Variants in STK33 observed in about 807,000 individuals in gnomAD.
STK33 encodes serine/threonine-protein kinase 33.
STK33 carries 52 observed loss-of-function variants against 58.0 expected under a neutral mutation model. The observed-to-expected ratio is 0.90, with a 90% confidence interval of 0.72 to 1.13. The LOEUF (loss-of-function observed/expected upper bound fraction) is 1.13, where lower values mean the gene tolerates loss of function less well. Among genes scored for constraint, STK33 ranks in the 50% most tolerant of loss-of-function variants. The pLI is 0.00. For synonymous variants in STK33, 215 were observed against 200.1 expected (o/e 1.07, Z -0.63); for missense variants, 630 against 604.2 (o/e 1.04, Z -0.45).
chr11:8,405,209 G>A (rs1230101625), intron 15 of STK33, among the ~76,000 whole-genome samples: 1 of 152,202 alleles, frequency 6.6e-6, no homozygotes, highest in East Asian at 1.9e-4. Context: ...CCAGCAAGGT[G>A]GGAAAATTCC....
chr11:8,571,234 A>G (rs892761614), intron 1 of STK33, among the ~76,000 whole-genome samples: 3 of 152,198 alleles, frequency 2.0e-5, no homozygotes, highest in African/African-American at 7.2e-5. Context: ...GAGCTGATAC[A>G]AGCATATGTG....
the STK33 span, among the ~76,000 whole-genome samples, chr11:8,336,847 C>T: frequency 6.6e-6 from 1 of 152,256 alleles, no homozygotes; most frequent in African/African-American, 2.4e-5. Context: ...AAGGCCAGTG[C>T]TCTGCAGGCA....
chr11:8,429,895 T>TC (rs1157071769), intron 14 of STK33, among the ~76,000 whole-genome samples: 3 of 152,122 alleles, frequency 2.0e-5, no homozygotes. Flanking sequence ...CTTCCTAGAT[T>TC]CAACTGAGAT....
chr11:8,418,119 AG>A (rs1184909366), intron 14 of STK33, among the ~76,000 whole-genome samples: 1 of 151,928 alleles, frequency 6.6e-6, no homozygotes. Context: ...TTTTAGGTCC[AG>A]GGGTACCTGA....
At chr11:8,452,776 T>G (rs1269699221) in intron 11 of STK33, 46 bp downstream of exon 11, 7 of 1,548,568 alleles carry the variant, frequency 4.5e-6, no homozygotes. Flanking sequence ...CAACAGAGGA[T>G]GATCCTGTCT....
chr11:8,479,257 A>T (rs1479445514), intron 2 of STK33, among the ~76,000 whole-genome samples: 1 of 151,640 alleles, frequency 6.6e-6, no homozygotes, highest in Non-Finnish European at 1.5e-5. Context: ...TAGTAGAGAA[A>T]CCCCATCTCT....
the STK33 span, among the ~76,000 whole-genome samples, chr11:8,336,828 G>T: frequency 1.3e-5 from 2 of 152,250 alleles, no homozygotes; most frequent in Non-Finnish European, 2.9e-5. Context: ...TGTGGGGCCC[G>T]CGGGCTGCAA....
chr11:8,383,132 G>A, the STK33 span, among the ~76,000 whole-genome samples: 1 of 152,202 alleles, frequency 6.6e-6, no homozygotes, highest in South Asian at 2.1e-4. Flanking sequence ...GCCACACTTG[G>A]AGGTCTGACT....
intron 9 of STK33, among the ~76,000 whole-genome samples, chr11:8,456,040 A>G (rs1268323250): frequency 6.6e-6 from 1 of 152,100 alleles, no homozygotes; most frequent in Non-Finnish European, 1.5e-5. Context: ...GCCAGGGCAG[A>G]TCTCCCTGCT....
intron 1 of STK33, among the ~76,000 whole-genome samples, chr11:8,583,544 G>A (rs1012410597): frequency 1.3e-5 from 2 of 152,096 alleles, no homozygotes; most frequent in Non-Finnish European, 2.9e-5. Context: ...GAAAGATACG[G>A]GGAGGGTGGT....
chr11:8,416,143 A>G (rs1230892957), intron 14 of STK33, among the ~76,000 whole-genome samples: 1 of 152,192 alleles, frequency 6.6e-6, no homozygotes, highest in Non-Finnish European at 1.5e-5. Flanking sequence ...ATGAAAGTGC[A>G]GCAAAGAAAA....
At chr11:8,486,263 AGGAGCCTGTGTGATATG>A (rs1263651777) in intron 1 of STK33, among the ~76,000 whole-genome samples, 1 of 152,240 alleles carries the variant, frequency 6.6e-6, no homozygotes, top group East Asian at 1.9e-4. Context: ...CATGACATAC[AGGAGCCTGTGTGATATG>A]GTCTCAGCTT....
chr11:8,542,244 A>G lies in STK33; in HGVS notation c.-466+51839T>C, dbSNP rs185094928. ...TTTTATTTCAATATTTCTACGATAA[A>G]TGTGGCTAGTTCCACATGTCATTAC... On this transcript the variant is annotated intron_variant, in intron 1 of 15. Coordinates refer to ENST00000687296, the MANE Select transcript of STK33 (RefSeq NM_001352389.2). 5.2e-3 allele frequency among the ~76,000 whole-genome samples: 785 copies of G among 152,346 alleles called. 5 individuals are homozygous for G. The highest frequency in any genetic ancestry group is 6.7e-3 in the Non-Finnish European group (459 of 68,028).
downstream of STK33, among the ~76,000 whole-genome samples, chr11:8,387,337 G>A (rs1366454871): frequency 1.3e-5 from 2 of 152,200 alleles, no homozygotes; most frequent in Admixed American, 6.5e-5. Flanking sequence ...GAGGCATATA[G>A]TACAACAGTG....
intron 12 of STK33, among the ~76,000 whole-genome samples, 193 bp downstream of exon 12, chr11:8,440,485 T>C (rs1944599498): frequency 6.6e-6 from 1 of 152,182 alleles, no homozygotes; most frequent in Admixed American, 6.5e-5. Flanking sequence ...AAGTTATAAA[T>C]TTACAGTATT....
At chr11:8,537,222 C>T (rs566474056) in intron 1 of STK33, among the ~76,000 whole-genome samples, 15 of 151,568 alleles carry the variant, frequency 9.9e-5, no homozygotes, top group South Asian at 8.4e-4. Flanking sequence ...TCAGGTGATC[C>T]GCCGACCTCA....
chr11:8,371,545 T>C, the STK33 span, among the ~76,000 whole-genome samples: 11 of 152,250 alleles, frequency 7.2e-5, no homozygotes, highest in African/African-American at 2.4e-4. Flanking sequence ...CTTAGGAAAC[T>C]GATATAGGGA....
At chr11:8,550,727 C>T (rs1487056333) in intron 1 of STK33, among the ~76,000 whole-genome samples, 1 of 152,198 alleles carries the variant, frequency 6.6e-6, no homozygotes, top group African/African-American at 2.4e-5. Flanking sequence ...GAGACCACCT[C>T]AGCCTGGGCT....
chr11:8,484,926 G>C (rs1050183603), intron 1 of STK33, among the ~76,000 whole-genome samples: 2 of 152,174 alleles, frequency 1.3e-5, no homozygotes, highest in African/African-American at 4.8e-5. Context: ...ACAGGTTCAA[G>C]ATTTTAAAGG....
Sources: allele counts gnomAD v4.1 joint callset (sites outside exome capture counted in the v4.1 genomes callset), GRCh38; gene constraint gnomAD v4.1.1; transcripts MANE v1.5; gene names NCBI Gene and HGNC (gene_info 2026-07-23, HGNC 2026-07-21).